Variants in ZNF600 observed in about 807,000 individuals in gnomAD.
ZNF600 encodes the protein zinc finger protein 600.
In ZNF600, 4 loss-of-function variants were observed where a neutral mutation model predicts 7.3. That is an observed-to-expected ratio of 0.55 (90% CI 0.27 to 1.25). The LOEUF (loss-of-function observed/expected upper bound fraction) is 1.25, where lower values mean the gene tolerates loss of function less well. ZNF600 is among the 50% of genes most tolerant of loss of function. The probability of loss-of-function intolerance (pLI) is 0.12; values close to 1 mark genes in which losing one functional copy is unlikely to be tolerated. For synonymous variants in ZNF600, 290 were observed against 308.9 expected (o/e 0.94, Z 0.64); for missense variants, 911 against 922.1 (o/e 0.99, Z 0.16).
intron 1 of ZNF600, among the ~76,000 whole-genome samples, chr19:52,779,350 T>A (rs1748137377): frequency 6.6e-6 from 1 of 152,154 alleles, no homozygotes; most frequent in South Asian, 2.1e-4. Context: ...CCCATCAGAA[T>A]AAGAATCCCT....
the ZNF600 span, among the ~76,000 whole-genome samples, chr19:52,817,430 T>C: frequency 1.3e-5 from 2 of 152,286 alleles, no homozygotes; most frequent in East Asian, 1.9e-4. Context: ...TGTATGAACA[T>C]TCCATTCTAA....
chr19:52,786,769 C>A, exon 1 of ZNF600: 1 of 290,992 alleles, frequency 3.4e-6, no homozygotes, highest in Admixed American at 3.2e-5. Flanking sequence ...GATCCGCTTC[C>A]GGGTTTGTGC....
the ZNF600 span, among the ~76,000 whole-genome samples, chr19:52,831,896 TGGGATTACA>T: frequency 6.6e-6 from 1 of 152,160 alleles, no homozygotes; most frequent in African/African-American, 2.4e-5. Context: ...CCCAAAGTGC[TGGGATTACA>T]GGCATAAGCC....
chr19:52,805,123 A>C, the ZNF600 span: 2 of 151,862 alleles, frequency 1.3e-5, no homozygotes, highest in Non-Finnish European at 2.9e-5. Context: ...ACAAAAAATT[A>C]GCCCGCGGTG....
chr19:52,816,281 G>T, the ZNF600 span, among the ~76,000 whole-genome samples: 6 of 147,168 alleles, frequency 4.1e-5, no homozygotes, highest in Non-Finnish European at 7.4e-5. Flanking sequence ...CACTCTTGGG[G>T]GCTGAGGCAG....
At chr19:52,778,762 C>T (rs2147548618) in intron 2 of ZNF600, 64 bp downstream of exon 4, 1 of 1,551,198 alleles carries the variant, frequency 6.4e-7, no homozygotes, top group Admixed American at 2.0e-5. Flanking sequence ...AGACTGGCTG[C>T]TACAATACCT....
At chr19:52,801,568 C>G in the ZNF600 span, 3 of 1,614,178 alleles carry the variant, frequency 1.9e-6, no homozygotes, top group Non-Finnish European at 2.5e-6. Flanking sequence ...CCATGAATGT[C>G]TTTCTCAATT....
chr19:52,809,998 A>G, the ZNF600 span: 21 of 764,264 alleles, frequency 2.7e-5, no homozygotes, highest in African/African-American at 2.9e-4. Context: ...CTGGAGCCTG[A>G]GGAGCTGCTG....
exon 4 of ZNF600, chr19:52,765,801 T>G (rs1409584892): frequency 6.2e-7 from 1 of 1,613,758 alleles, no homozygotes; most frequent in South Asian, 1.1e-5. Context: ...TCTTTTAAGG[T>G]GTGATTTGCG....
chr19:52,832,814 T>G, the ZNF600 span, among the ~76,000 whole-genome samples: 9 of 151,988 alleles, frequency 5.9e-5, no homozygotes, highest in Admixed American at 5.2e-4. Flanking sequence ...CCCTGTTGCC[T>G]AGGCTGGAGT....
exon 4 of ZNF600, chr19:52,767,523 G>C (rs1344962939): frequency 1.2e-6 from 2 of 1,614,068 alleles, no homozygotes; most frequent in South Asian, 2.2e-5. Flanking sequence ...CTTGTTTCCA[G>C]CATGCCTGTG....
At chr19:52,795,790 AC>A in the ZNF600 span, among the ~76,000 whole-genome samples, 1 of 151,480 alleles carries the variant, frequency 6.6e-6, no homozygotes, top group Non-Finnish European at 1.5e-5. Context: ...GTTCTCAAAT[AC>A]CTTGCCTCTG....
At chr19:52,810,635 G>C in the ZNF600 span, 1 of 1,356,178 alleles carries the variant, frequency 7.4e-7, no homozygotes, top group East Asian at 2.3e-5. Context: ...TTCTACAGTG[G>C]TTTTAACAGC....
chr19:52,778,672 C>T (rs2062695795), intron 2 of ZNF600, among the ~76,000 whole-genome samples, 154 bp downstream of exon 4: 2 of 152,140 alleles, frequency 1.3e-5, no homozygotes, highest in Non-Finnish European at 2.9e-5. Flanking sequence ...GATGGAATCT[C>T]GGAGCAGCTG....
chr19:52,799,563 G>T, the ZNF600 span: 1 of 1,507,898 alleles, frequency 6.6e-7, no homozygotes, highest in Non-Finnish European at 9.1e-7. Context: ...ACTTACAAGG[G>T]TTGAATTGTG....
At chr19:52,830,245 G>A in the ZNF600 span, among the ~76,000 whole-genome samples, 919 of 152,158 alleles carry the variant, frequency 6.0e-3, 14 homozygotes, top group African/African-American at 0.02. Flanking sequence ...GCAGTCCAGC[G>A]TGGGCAACAA....
chr19:52,794,160 G>A, the ZNF600 span, among the ~76,000 whole-genome samples: 235 of 152,190 alleles, frequency 1.5e-3, no homozygotes, highest in Non-Finnish European at 2.2e-3. Flanking sequence ...GCCCTGAGAT[G>A]AGATAAGGAA....
rs532303957 is a variant in ZNF600, at chr19:52,785,281, CTTG to C, written c.-20+1311_-20+1313del. Among the ~76,000 whole-genome samples, 5 of 150,466 alleles carry C rather than the reference CTTG, an allele frequency of 3.3e-5. No homozygotes were observed. The East Asian group carries it at 7.8e-4, about 23-fold the overall frequency. On this transcript the variant is annotated intron_variant, in intron 1 of 3. Transcript: ENST00000648973. ...TTCCTTTTTGAGATGGAGTTTCACT[CTTG>C]TTGTGCAGGCTGGAGTGCACCGGTG...
the ZNF600 span, among the ~76,000 whole-genome samples, chr19:52,802,928 CT>C: frequency 2.0e-5 from 3 of 150,422 alleles, no homozygotes; most frequent in Admixed American, 6.6e-5. Context: ...GTCCAGCTAA[CT>C]TTTTTGTATT....
Sources: gnomAD v4.1 joint callset for allele counts (sites outside exome capture counted in the v4.1 genomes callset) on GRCh38, gnomAD v4.1.1 for gene constraint, MANE v1.5 for transcripts, NCBI Gene and HGNC (gene_info 2026-07-23, HGNC 2026-07-21) for gene names.